The following SEMA6D variants were observed in gnomAD, a reference collection of about 807,000 sequenced individuals.
The protein encoded by SEMA6D is semaphorin 6D.
SEMA6D carries 35 observed loss-of-function variants against 106.6 expected under a neutral mutation model. The observed-to-expected ratio is 0.33, with a 90% confidence interval of 0.25 to 0.44. The LOEUF (loss-of-function observed/expected upper bound fraction) is 0.44. Ranked by LOEUF, SEMA6D falls within the 20% of genes least tolerant of loss-of-function variation. SEMA6D has a pLI of 1.00. For synonymous variants in SEMA6D, 499 were observed against 487.7 expected, an observed-to-expected ratio of 1.02 and a Z score of -0.31; for missense variants, 1,185 against 1,345.9, an observed-to-expected ratio of 0.88 and a Z score of 1.87.
intron 4 of SEMA6D, among the ~76,000 whole-genome samples, chr15:47,681,457 GGA>G (rs1683060889): frequency 6.6e-6 from 1 of 152,186 alleles, no homozygotes; most frequent in Admixed American, 6.5e-5. Context: ...AGGAGAAAAT[GGA>G]GAGTTGCTGT....
At chr15:47,703,936 C>T (rs2078863832) in intron 4 of SEMA6D, among the ~76,000 whole-genome samples, 1 of 152,170 alleles carries the variant, frequency 6.6e-6, no homozygotes, top group African/African-American at 2.4e-5. Flanking sequence ...AACCTTTTCA[C>T]AGTACATGGG....
intron 1 of SEMA6D, among the ~76,000 whole-genome samples, chr15:47,281,555 A>G (rs1374472170): frequency 6.6e-6 from 1 of 151,644 alleles, no homozygotes; most frequent in Non-Finnish European, 1.5e-5. Context: ...TTATGTGTGA[A>G]TTTGATCCTG....
chr15:47,570,033 GC>G (rs1168154672), intron 3 of SEMA6D, among the ~76,000 whole-genome samples: 5 of 114,406 alleles, frequency 4.4e-5, no homozygotes, highest in Non-Finnish European at 8.6e-5. Context: ...TGCACTCCCA[GC>G]CCGGGCAACA....
chr15:47,762,970 T>C, intron 8 of SEMA6D, 46 bp from the exon 9 acceptor site: 3 of 1,452,260 alleles, frequency 2.1e-6, no homozygotes, highest in Non-Finnish European at 2.9e-6. Flanking sequence ...CTTATGCTAA[T>C]TGAATTATCC....
chr15:47,551,516 G>A (rs549881886), intron 3 of SEMA6D, among the ~76,000 whole-genome samples: 2 of 152,192 alleles, frequency 1.3e-5, no homozygotes, highest in Non-Finnish European at 2.9e-5. Context: ...CAGTGAGCTA[G>A]TTAAAAGAAG....
intron 1 of SEMA6D, among the ~76,000 whole-genome samples, chr15:47,750,278 C>G (rs1035502340): frequency 6.6e-6 from 1 of 152,042 alleles, no homozygotes; most frequent in African/African-American, 2.4e-5. Flanking sequence ...GATGTTTATC[C>G]CACTAGATAG....
intron 1 of SEMA6D, among the ~76,000 whole-genome samples, chr15:47,269,715 A>G (rs1016587167): frequency 1.3e-5 from 2 of 152,248 alleles, no homozygotes; most frequent in African/African-American, 4.8e-5. Flanking sequence ...ATGGAAATAG[A>G]TGACACGAGA....
intron 1 of SEMA6D, among the ~76,000 whole-genome samples, chr15:47,229,519 C>A (rs2032038990): frequency 6.6e-6 from 1 of 151,976 alleles, no homozygotes; most frequent in Non-Finnish European, 1.5e-5. Flanking sequence ...CAGATATTGG[C>A]TCAGTCTGTC....
chr15:47,730,488 C>A, intron 1 of SEMA6D: 1 of 1,305,490 alleles, frequency 7.7e-7, no homozygotes, highest in Non-Finnish European at 1.1e-6. Context: ...ACCAGCTGAG[C>A]TTTCTTATTG....
At chr15:47,487,628 A>C (rs2141379314) in intron 3 of SEMA6D, among the ~76,000 whole-genome samples, 1 of 152,250 alleles carries the variant, frequency 6.6e-6, no homozygotes, top group African/African-American at 2.4e-5. Context: ...ATATGGATCT[A>C]TTTCATTCTT....
In SEMA6D at chr15:47,738,479, A is replaced by G. The variant is rs371935252; in HGVS notation, c.-55+20787A>G. On this transcript the variant is annotated intron_variant, in intron 1 of 18. Transcript: ENST00000536845. ...AGCCTGACTTTTTAAAAAGACTGGG[A>G]CAAGACATTTTAGGGACAAGTTTCT... Among the ~76,000 whole-genome samples the G allele has an allele frequency of 2.4e-4, 37 of 152,326 alleles. No homozygotes were observed. The South Asian group carries it at 7.5e-3, about 31-fold the overall frequency.
chr15:47,623,248 A>T (rs2077141448), intron 4 of SEMA6D, among the ~76,000 whole-genome samples: 1 of 152,138 alleles, frequency 6.6e-6, no homozygotes, highest in Admixed American at 6.5e-5. Flanking sequence ...TCTCAGCCTC[A>T]TGTGTTAGCT....
chr15:47,218,392 A>G lies in SEMA6D; in HGVS notation c.-239+33974A>G, dbSNP rs370238864. Among the ~76,000 whole-genome samples the G allele has an allele frequency of 4.6e-5, 7 of 152,154 alleles. No individual in the cohort carries two copies. The South Asian group carries it at 1.5e-3, about 32-fold the overall frequency. ...TTAAAATGCTTCAGTCAACCCTATT[A>G]TGGGTTGAATGTACTCTTCCGAGGT... On this transcript the variant is annotated intron_variant, in intron 1 of 19. Transcript: ENST00000558014.
intron 1 of SEMA6D, among the ~76,000 whole-genome samples, chr15:47,372,499 C>T: frequency 6.6e-6 from 1 of 152,212 alleles, no homozygotes; most frequent in African/African-American, 2.4e-5. Flanking sequence ...TCAAAATACG[C>T]ACAACCTGAG....
At chr15:47,706,784 C>G (rs1348526944) in intron 4 of SEMA6D, among the ~76,000 whole-genome samples, 1 of 151,538 alleles carries the variant, frequency 6.6e-6, no homozygotes, top group African/African-American at 2.4e-5. Flanking sequence ...TTAAAATGGC[C>G]CACATAATAT....
At position 47,586,888 on chromosome 15, in the gene SEMA6D, G is replaced by GTTTTT. The variant is rs35584206; in HGVS notation, c.-86-13962_-86-13958dup. Among the ~76,000 whole-genome samples the GTTTTT allele has an allele frequency of 2.9e-4, 36 of 122,810 alleles. 4 individuals are homozygous for GTTTTT. The highest frequency in any genetic ancestry group is 4.6e-4 in the African/African-American group (15 of 32,582). 80.6% of individuals were successfully genotyped at this position (122,810 alleles called of 152,430 possible). A position where few individuals can be genotyped will look rare whatever the true frequency, so the allele number is the denominator to read the frequency against. ...AGATTTTCAAAATGAAATTTGACAGGTTTTTTTTTTTTTTTTTTTACAAGA... is the reference window on the plus strand; with the variant it reads ...AGATTTTCAAAATGAAATTTGACAGGTTTTTTTTTTTTTTTTTTTTTTTTACAAGA... On this transcript the variant is annotated intron_variant, in intron 3 of 19. Coordinates refer to the SEMA6D transcript ENST00000558014.
intron 4 of SEMA6D, among the ~76,000 whole-genome samples, chr15:47,664,058 A>G (rs1431117333): frequency 6.6e-6 from 1 of 152,254 alleles, no homozygotes; most frequent in Non-Finnish European, 1.5e-5. Flanking sequence ...GTGTTAGAAC[A>G]AATCTGAAGA....
At chr15:47,286,491 G>T (rs139395803) in intron 1 of SEMA6D, among the ~76,000 whole-genome samples, 1 of 151,972 alleles carries the variant, frequency 6.6e-6, no homozygotes, top group Non-Finnish European at 1.5e-5. Flanking sequence ...GCTATTTTCC[G>T]AAAGAAAAAT....
At chr15:47,387,186 A>C (rs1037690642) in intron 1 of SEMA6D, among the ~76,000 whole-genome samples, 18 of 152,190 alleles carry the variant, frequency 1.2e-4, no homozygotes, top group African/African-American at 4.3e-4. Context: ...GTGGGCAGTA[A>C]ATTCCAAAGC....
Sources: gnomAD v4.1 joint callset for allele counts (sites outside exome capture counted in the v4.1 genomes callset) on GRCh38, gnomAD v4.1.1 for gene constraint, MANE v1.5 for transcripts, NCBI Gene and HGNC (gene_info 2026-07-23, HGNC 2026-07-21) for gene names.